PLXDC2: variants seen among roughly 807,000 people sequenced by gnomAD.
PLXDC2 encodes plexin domain-containing protein 2.
Under a neutral mutation model 68.9 loss-of-function variants are expected in PLXDC2, and 40 were observed. The ratio of observed to expected loss-of-function variants is 0.58; its 90% CI spans 0.45 to 0.76. The LOEUF is 0.76. Among genes scored for constraint, PLXDC2 ranks in the 30% least tolerant of loss-of-function variants. PLXDC2 has a pLI of 0.00. For synonymous variants in PLXDC2, 243 were observed against 234.2 expected, an observed-to-expected ratio of 1.04 and a Z score of -0.34; for missense variants, 644 against 661.9, an observed-to-expected ratio of 0.97 and a Z score of 0.30.
rs181380915 is a variant in PLXDC2 at position 19,987,329 on chromosome 10, C to G, written c.113-14446C>G. Among the ~76,000 whole-genome samples the G allele has an allele frequency of 8.9e-4, 135 of 152,130 alleles. 1 individual carries two copies. The highest frequency in any genetic ancestry group is 3.2e-3 in the African/African-American group (134 of 41,522). On this transcript the variant is annotated intron_variant, in intron 1 of 13. Coordinates refer to ENST00000377252, the MANE Select transcript of PLXDC2 (RefSeq NM_032812.9). The stretch of plus-strand genomic sequence containing the variant: ...CTAAATACCTAAACAATGTCGCTTT[C>G]TTTTTTCCTTTTCCTAGTTTGTTAA...
chr10:20,162,008 G>A (rs1254689908), intron 6 of PLXDC2, among the ~76,000 whole-genome samples: 2 of 144,572 alleles, frequency 1.4e-5, no homozygotes, highest in African/African-American at 2.6e-5. Context: ...GACAACAAGA[G>A]TGAAACTCTG....
intron 4 of PLXDC2, among the ~76,000 whole-genome samples, chr10:20,113,696 T>G (rs1398784822): frequency 6.6e-6 from 1 of 152,120 alleles, no homozygotes; most frequent in Non-Finnish European, 1.5e-5. Context: ...AGTGTACCCA[T>G]TCCCTAGTTT....
chr10:20,047,630 A>G (rs1253243692), intron 3 of PLXDC2, among the ~76,000 whole-genome samples: 1 of 152,152 alleles, frequency 6.6e-6, no homozygotes, highest in African/African-American at 2.4e-5. Flanking sequence ...TGTAAACTGG[A>G]GATGAGAAGG....
Position 19,871,662 on chromosome 10 carries a change from G to T in PLXDC2, c.112+54471G>T, listed in dbSNP as rs142831921. ...TGGGAGGCTGAGGCAAGTGGATCACGTGAGGTCAGGAGTACGAGACTAGCC... is the reference window on the plus strand; with the variant it reads ...TGGGAGGCTGAGGCAAGTGGATCACTTGAGGTCAGGAGTACGAGACTAGCC... On this transcript the variant is annotated intron_variant, in intron 1 of 13. Coordinates refer to ENST00000377252, the MANE Select transcript of PLXDC2 (RefSeq NM_032812.9). 2.0e-3 allele frequency among the ~76,000 whole-genome samples: 303 copies of T among 152,016 alleles called. 11 individuals carry two copies. The East Asian group carries it at 0.039, about 19-fold the overall frequency.
At chr10:19,891,088 T>C (rs889746982) in intron 1 of PLXDC2, among the ~76,000 whole-genome samples, 1 of 152,166 alleles carries the variant, frequency 6.6e-6, no homozygotes, top group African/African-American at 2.4e-5. Context: ...CATCTGTGAT[T>C]GCTTCTCTTT....
chr10:19,970,853 T>C (rs1231604381), intron 1 of PLXDC2, among the ~76,000 whole-genome samples: 1 of 152,170 alleles, frequency 6.6e-6, no homozygotes, highest in Non-Finnish European at 1.5e-5. Flanking sequence ...GTTGCACTGA[T>C]GCCCCTGAGT....
chr10:20,225,644 A>C (rs1835276531), intron 12 of PLXDC2, among the ~76,000 whole-genome samples: 1 of 152,116 alleles, frequency 6.6e-6, no homozygotes, highest in African/African-American at 2.4e-5. Flanking sequence ...TTCTCTCCCA[A>C]ACTTTTATCT....
At chr10:19,846,735 C>A (rs1837016224) in intron 1 of PLXDC2, among the ~76,000 whole-genome samples, 1 of 152,136 alleles carries the variant, frequency 6.6e-6, no homozygotes, top group Admixed American at 6.6e-5. Context: ...GCCAAGACCA[C>A]AAGTCACATA....
At chr10:20,217,395 C>A (rs1288527084) in intron 10 of PLXDC2, 31 bp from the exon 11 acceptor site, 2 of 1,586,204 alleles carry the variant, frequency 1.3e-6, no homozygotes, top group Non-Finnish European at 1.7e-6. Flanking sequence ...GTGATCACTC[C>A]ATTTGTTTTC....
chr10:20,234,059 T>C (rs1404321752), intron 12 of PLXDC2, among the ~76,000 whole-genome samples: 1 of 151,950 alleles, frequency 6.6e-6, no homozygotes, highest in African/African-American at 2.4e-5. Flanking sequence ...ACTCCTGGCC[T>C]CAACTGATCC....
intron 7 of PLXDC2, among the ~76,000 whole-genome samples, chr10:20,170,278 C>G (rs992180293): frequency 2.6e-5 from 4 of 152,194 alleles, no homozygotes; most frequent in Non-Finnish European, 5.9e-5. Flanking sequence ...GCAACCTCCC[C>G]CTCCGGGGTT....
At chr10:20,012,201 A>T (rs1008131313) in intron 2 of PLXDC2, among the ~76,000 whole-genome samples, 2 of 151,558 alleles carry the variant, frequency 1.3e-5, no homozygotes, top group African/African-American at 4.9e-5. Context: ...GCAATGATTA[A>T]TATTTACACT....
At chr10:20,124,514 C>T (rs1048171264) in intron 4 of PLXDC2, among the ~76,000 whole-genome samples, 1 of 152,126 alleles carries the variant, frequency 6.6e-6, no homozygotes, top group African/African-American at 2.4e-5. Flanking sequence ...GTCCCCCAAT[C>T]CAAGTCACGG....
chr10:20,227,165 C>T (rs1399505034), intron 12 of PLXDC2, among the ~76,000 whole-genome samples: 1 of 152,106 alleles, frequency 6.6e-6, no homozygotes, highest in East Asian at 1.9e-4. Context: ...ATTTCTTCAA[C>T]TATTGTGTAC....
intron 1 of PLXDC2, among the ~76,000 whole-genome samples, chr10:19,819,504 T>G (rs1258334540): frequency 6.6e-6 from 1 of 152,258 alleles, no homozygotes; most frequent in Non-Finnish European, 1.5e-5. Flanking sequence ...CCAGCAGTCT[T>G]GACGTTTGTC....
chr10:19,971,052 T>C (rs1198588785), intron 1 of PLXDC2, among the ~76,000 whole-genome samples: 1 of 152,218 alleles, frequency 6.6e-6, no homozygotes, highest in Non-Finnish European at 1.5e-5. Flanking sequence ...CTGCTCCTGA[T>C]TCTCTTTGTC....
At chr10:20,017,477 C>T (rs866678875) in intron 2 of PLXDC2, among the ~76,000 whole-genome samples, 3 of 152,186 alleles carry the variant, frequency 2.0e-5, no homozygotes, top group Non-Finnish European at 4.4e-5. Context: ...TTTCTCTTTC[C>T]ATCTTCCTGA....
intron 1 of PLXDC2, among the ~76,000 whole-genome samples, chr10:19,889,383 A>G (rs945373349): frequency 2.0e-5 from 3 of 152,150 alleles, no homozygotes; most frequent in Admixed American, 6.5e-5. Flanking sequence ...CTACACTGGA[A>G]TGCAAATCAT....
intron 4 of PLXDC2, among the ~76,000 whole-genome samples, chr10:20,119,741 C>T (rs1220014154): frequency 6.6e-6 from 1 of 151,674 alleles, no homozygotes; most frequent in South Asian, 2.1e-4. Context: ...TTAGGGGTGG[C>T]GTGGGAACCT....
Sources: allele counts gnomAD v4.1 joint callset (sites outside exome capture counted in the v4.1 genomes callset), GRCh38; gene constraint gnomAD v4.1.1; transcripts MANE v1.5; gene names NCBI Gene and HGNC (gene_info 2026-07-23, HGNC 2026-07-21).